The following ZRANB3 variants were observed in gnomAD, a reference collection of about 807,000 sequenced individuals.
ZRANB3 encodes zinc finger RANBP2-type containing 3, also known as DNA annealing helicase and endonuclease ZRANB3.
ZRANB3 carries 125 observed loss-of-function variants against 133.8 expected under a neutral mutation model. That is an observed-to-expected ratio of 0.93 (90% CI 0.81 to 1.08). The LOEUF (loss-of-function observed/expected upper bound fraction) is 1.08. ZRANB3 is among the 50% of genes least tolerant of loss of function. The pLI, the probability that ZRANB3 is intolerant of heterozygous loss-of-function variation, is 0.00. For synonymous variants in ZRANB3, 387 were observed against 432.7 expected, an observed-to-expected ratio of 0.89 and a Z score of 1.31; for missense variants, 1,229 against 1,275.5, an observed-to-expected ratio of 0.96 and a Z score of 0.56.
Position 135,412,485 on chromosome 2 carries a change from T to C in ZRANB3, c.162-21665A>G, listed in dbSNP as rs531274750. Among the ~76,000 whole-genome samples, 28 of 152,282 alleles carry C rather than the reference T, an allele frequency of 1.8e-4. No individual in the cohort carries two copies. The South Asian group carries it at 4.6e-3, about 25-fold the overall frequency. ...TGGCTTACTTTTTGTTGCTTTTTTA[T>C]ATAAAATATATTTTCGTTTTTAACT... is the stretch of plus-strand genomic sequence containing the variant. On this transcript the variant is annotated intron_variant, in intron 2 of 20. Coordinates refer to ENST00000264159, the MANE Select transcript of ZRANB3 (RefSeq NM_032143.4).
chr2:135,377,044 A>G (rs1171732993), intron 3 of ZRANB3, among the ~76,000 whole-genome samples: 2 of 152,240 alleles, frequency 1.3e-5, no homozygotes, highest in Non-Finnish European at 2.9e-5. Flanking sequence ...TAGCCAATAA[A>G]GTTCTTTCCC....
rs980294154 is a variant in ZRANB3, at chr2:135,200,474, A to G, written c.3142-34T>C. 2.0e-6 allele frequency: 3 copies of G among 1,517,666 alleles called. No homozygotes were observed. The African/African-American group carries it at 4.1e-5, about 21-fold the overall frequency. 94.0% of individuals were successfully genotyped at this position (1,517,666 alleles called of 1,614,324 possible). A position where few individuals can be genotyped will look rare whatever the true frequency, so the allele number is the denominator to read the frequency against. On this transcript the variant is annotated intron_variant, in intron 20 of 20. Transcript: ENST00000264159. Reference sequence around the variant, plus strand: ...TAAAAAATATGCATGTGTACACGTTAGGAAAAAAGCACCGGCTACAAAAGC... The same window carrying G: ...TAAAAAATATGCATGTGTACACGTTGGGAAAAAAGCACCGGCTACAAAAGC...
intron 2 of ZRANB3, among the ~76,000 whole-genome samples, chr2:135,479,597 C>T (rs769402117): frequency 1.3e-5 from 2 of 151,858 alleles, no homozygotes; most frequent in Non-Finnish European, 2.9e-5. Flanking sequence ...ATCCAGGAGG[C>T]GGAGGTTGCA....
At chr2:135,250,700 T>G (rs75788110) in intron 12 of ZRANB3, among the ~76,000 whole-genome samples, 12 of 152,228 alleles carry the variant, frequency 7.9e-5, no homozygotes, top group African/African-American at 2.9e-4. Context: ...CCATGTGGTG[T>G]TGAGCCTGTG....
chr2:135,421,393 T>C (rs1688835544), intron 2 of ZRANB3, among the ~76,000 whole-genome samples: 1 of 152,208 alleles, frequency 6.6e-6, no homozygotes, highest in Non-Finnish European at 1.5e-5. Context: ...TTTATTTCCA[T>C]GGATAACTGT....
At chr2:135,414,115 C>A (rs916341330) in intron 2 of ZRANB3, among the ~76,000 whole-genome samples, 15 of 151,994 alleles carry the variant, frequency 9.9e-5, no homozygotes, top group African/African-American at 2.9e-4. Flanking sequence ...ATTAACCTTA[C>A]ATGTAAATGG....
At position 135,315,605 on chromosome 2, in the gene ZRANB3, T is replaced by C. The variant is rs552119680; in HGVS notation, c.678-75A>G. 1.5e-4 allele frequency: 161 copies of C among 1,076,434 alleles called. No homozygotes were observed. In the East Asian group the frequency reaches 4.5e-3, roughly 30 times the overall value. 66.7% of individuals were successfully genotyped at this position (1,076,434 alleles called of 1,614,324 possible). A position where few individuals can be genotyped will look rare whatever the true frequency, so the allele number is the denominator to read the frequency against. On this transcript the variant is annotated intron_variant, in intron 6 of 20. Coordinates refer to ENST00000264159, the MANE Select transcript of ZRANB3 (RefSeq NM_032143.4). ...GAAAATAATTTATCCAATGTGCTCT[T>C]CCTTTTAATGATAAGGAGCCATGAC...
chr2:135,518,859 C>A (rs1403685298), intron 1 of ZRANB3, among the ~76,000 whole-genome samples: 1 of 152,132 alleles, frequency 6.6e-6, no homozygotes, highest in East Asian at 1.9e-4. Context: ...GGCACTGCAG[C>A]ATGTTATTTC....
intron 3 of ZRANB3, among the ~76,000 whole-genome samples, chr2:135,369,578 TG>T: frequency 1.2e-5 from 1 of 80,874 alleles, no homozygotes; most frequent in Non-Finnish European, 1.9e-5. Context: ...ATCTTACACT[TG>T]TTTTTTTAAA....
At chr2:135,291,811 C>G (rs374700749) in intron 8 of ZRANB3, among the ~76,000 whole-genome samples, 19 of 149,182 alleles carry the variant, frequency 1.3e-4, no homozygotes, top group Non-Finnish European at 1.9e-4. Flanking sequence ...TGTTCTCATT[C>G]TTCAATTCCC....
chr2:135,306,486 G>T (rs1682709269), intron 8 of ZRANB3, among the ~76,000 whole-genome samples: 1 of 150,670 alleles, frequency 6.6e-6, no homozygotes, highest in South Asian at 2.1e-4. Flanking sequence ...TGGAGACAGG[G>T]TTTCACCATG....
intron 2 of ZRANB3, among the ~76,000 whole-genome samples, chr2:135,428,695 A>T (rs944272506): frequency 1.3e-5 from 2 of 152,234 alleles, no homozygotes; most frequent in South Asian, 4.1e-4. Context: ...TTGCCATTTA[A>T]CTTTAACTTT....
At chr2:135,430,973 G>A (rs1401493563) in intron 2 of ZRANB3, among the ~76,000 whole-genome samples, 6 of 152,030 alleles carry the variant, frequency 3.9e-5, no homozygotes, top group African/African-American at 1.4e-4. Flanking sequence ...TACAACTTGT[G>A]AAAGAAAACA....
chr2:135,200,753 GTTTT>G (rs373759295), intron 20 of ZRANB3, among the ~76,000 whole-genome samples: 10 of 126,442 alleles, frequency 7.9e-5, no homozygotes, highest in African/African-American at 2.1e-4. Flanking sequence ...CAAGTGGGAG[GTTTT>G]TTTTTTTTTT....
chr2:135,319,011 C>T (rs1371754557), intron 6 of ZRANB3, among the ~76,000 whole-genome samples: 1 of 152,172 alleles, frequency 6.6e-6, no homozygotes, highest in African/African-American at 2.4e-5. Context: ...ATAATTCATG[C>T]ATTGGCAGTA....
intron 13 of ZRANB3, among the ~76,000 whole-genome samples, chr2:135,229,126 T>A (rs187985965): frequency 1.3e-5 from 2 of 152,178 alleles, no homozygotes; most frequent in African/African-American, 4.8e-5. Context: ...AGATATTACA[T>A]GGAATAAGCA....
intron 8 of ZRANB3, among the ~76,000 whole-genome samples, chr2:135,281,243 C>T (rs1417578908): frequency 6.6e-6 from 1 of 152,160 alleles, no homozygotes; most frequent in Non-Finnish European, 1.5e-5. Flanking sequence ...CTATAACTTG[C>T]AGCTAAGAGA....
chr2:135,496,384 T>TAAAAAAAAA (rs56770947), intron 2 of ZRANB3, among the ~76,000 whole-genome samples: 3 of 33,328 alleles, frequency 9.0e-5, no homozygotes, highest in African/African-American at 1.3e-4. Context: ...AACTCCATCT[T>TAAAAAAAAA]AAAAAAAAAA....
intron 3 of ZRANB3, among the ~76,000 whole-genome samples, chr2:135,376,524 T>A (rs1301518171): frequency 2.0e-5 from 3 of 152,200 alleles, no homozygotes; most frequent in Non-Finnish European, 4.4e-5. Context: ...GAAAAGGCTA[T>A]CAAGCTACAA....
Sources: allele counts gnomAD v4.1 joint callset (sites outside exome capture counted in the v4.1 genomes callset), GRCh38; gene constraint gnomAD v4.1.1; transcripts MANE v1.5; gene names NCBI Gene and HGNC (gene_info 2026-07-23, HGNC 2026-07-21).